MIPOL1: variants seen among roughly 807,000 people sequenced by gnomAD.
MIPOL1 encodes mirror-image polydactyly gene 1 protein.
In MIPOL1, 57 loss-of-function variants were observed where a neutral mutation model predicts 60.9. The ratio of observed to expected loss-of-function variants is 0.94; its 90% CI spans 0.76 to 1.17. MIPOL1 has a LOEUF of 1.17. Ranked by LOEUF, MIPOL1 falls within the 50% of genes most tolerant of loss-of-function variation. The pLI, the probability that MIPOL1 is intolerant of heterozygous loss-of-function variation, is 0.00. For synonymous variants in MIPOL1, 179 were observed against 168.8 expected (o/e 1.06, Z -0.47); for missense variants, 551 against 511.6 (o/e 1.08, Z -0.74).
At chr14:37,324,347 C>G (rs1172624922) in intron 9 of MIPOL1, among the ~76,000 whole-genome samples, 2 of 151,950 alleles carry the variant, frequency 1.3e-5, no homozygotes, top group Non-Finnish European at 2.9e-5. Flanking sequence ...TACTTACTGG[C>G]CATTCATATA....
At chr14:37,374,012 C>T (rs558667078) in intron 10 of MIPOL1, among the ~76,000 whole-genome samples, 23 of 152,196 alleles carry the variant, frequency 1.5e-4, no homozygotes, top group African/African-American at 2.9e-4. Context: ...AGTGTAAAAA[C>T]GTTCCTATTT....
At chr14:37,203,821 C>T (rs1326013369) in intron 1 of MIPOL1, among the ~76,000 whole-genome samples, 2 of 152,132 alleles carry the variant, frequency 1.3e-5, no homozygotes, top group Non-Finnish European at 1.5e-5. Flanking sequence ...CTCACTCTGC[C>T]GCCCAGGCTG....
chr14:37,358,537 TGTG>T (rs2092005450), intron 9 of MIPOL1, among the ~76,000 whole-genome samples: 1 of 152,184 alleles, frequency 6.6e-6, no homozygotes, highest in African/African-American at 2.4e-5. Context: ...TTCTAACTGG[TGTG>T]AGATGGTATC....
chr14:37,330,440 C>G (rs12586942), intron 9 of MIPOL1, among the ~76,000 whole-genome samples: 147,739 of 152,250 alleles, frequency 0.97, 71,746 homozygotes, highest in East Asian at 1. Context: ...AAATTTTATA[C>G]AAACATAATT....
chr14:37,297,130 G>C (rs1358862107), intron 7 of MIPOL1, among the ~76,000 whole-genome samples: 3 of 152,158 alleles, frequency 2.0e-5, no homozygotes, highest in Non-Finnish European at 4.4e-5. Context: ...CTTCATCCCT[G>C]GGATGCAAGG....
intron 1 of MIPOL1, among the ~76,000 whole-genome samples, chr14:37,223,059 G>C (rs1222838721): frequency 6.6e-6 from 1 of 152,146 alleles, no homozygotes; most frequent in Non-Finnish European, 1.5e-5. Flanking sequence ...TTGAGACAGA[G>C]TCTCGCTCTG....
intron 9 of MIPOL1, 145 bp from the exon 10 acceptor site, chr14:37,369,372 C>T (rs1164651071): frequency 1.1e-5 from 5 of 439,280 alleles, no homozygotes; most frequent in Admixed American, 4.0e-5. Flanking sequence ...TTGTATTTAA[C>T]ATTACTTTTA....
rs1461974156 is a variant in MIPOL1, at chr14:37,394,082, A to ATATATATATATATATATATATATC, written c.936+24461_936+24462insATATATATATATATATATATCTAT. Among the ~76,000 whole-genome samples the ATATATATATATATATATATATATC allele has an allele frequency of 2.2e-5, 3 of 136,336 alleles. 1 individual carries two copies. The highest frequency in any genetic ancestry group is 5.5e-5 in the African/African-American group (2 of 36,544). The allele number at this position is 136,336 out of a possible 152,430, so 89.4% of individuals were successfully genotyped here. A position where few individuals can be genotyped will look rare whatever the true frequency, so the allele number is the denominator to read the frequency against. On this transcript the variant is annotated intron_variant, in intron 10 of 12. Coordinates refer to ENST00000684589, the MANE Select transcript of MIPOL1 (RefSeq NM_001388067.1). Reference sequence around the variant, plus strand: ...CATATATATATATATATATATATATATATCTCCATGTTCTATCATATATAT... The same window carrying ATATATATATATATATATATATATC: ...CATATATATATATATATATATATATATATATATATATATATATATATATCTATCTCCATGTTCTATCATATATAT...
At chr14:37,358,448 CCCA>C (rs2091995526) in intron 9 of MIPOL1, among the ~76,000 whole-genome samples, 1 of 152,206 alleles carries the variant, frequency 6.6e-6, no homozygotes. Context: ...AATTTACACT[CCCA>C]CCAAGTGTAA....
At chr14:37,426,618 A>C in intron 11 of MIPOL1, among the ~76,000 whole-genome samples, 1 of 112,974 alleles carries the variant, frequency 8.9e-6, no homozygotes, top group Admixed American at 9.4e-5. Context: ...CATATATAAT[A>C]TGTATATATG....
intron 5 of MIPOL1, 146 bp downstream of exon 5, chr14:37,268,939 A>G (rs1243675572): frequency 9.7e-6 from 6 of 617,164 alleles, no homozygotes; most frequent in Non-Finnish European, 1.6e-5. Flanking sequence ...CCTTGCCATC[A>G]GGGTATGGTT....
chr14:37,234,942 A>ATTTTTTTTTTTTTT, intron 1 of MIPOL1, among the ~76,000 whole-genome samples: 1 of 116,830 alleles, frequency 8.6e-6, no homozygotes, highest in Non-Finnish European at 1.7e-5. Context: ...CGTACGGCTA[A>ATTTTTTTTTTTTTT]TTTTTTTTTT....
intron 11 of MIPOL1, among the ~76,000 whole-genome samples, chr14:37,454,242 C>T (rs2094452742): frequency 6.6e-6 from 1 of 152,144 alleles, no homozygotes; most frequent in South Asian, 2.1e-4. Flanking sequence ...ATTCCTTACT[C>T]CAACTGGATT....
At chr14:37,409,480 T>G (rs1406456956) in intron 10 of MIPOL1, among the ~76,000 whole-genome samples, 1 of 152,110 alleles carries the variant, frequency 6.6e-6, no homozygotes, top group Non-Finnish European at 1.5e-5. Flanking sequence ...ACCATCAGAT[T>G]ATACACAGCC....
intron 9 of MIPOL1, among the ~76,000 whole-genome samples, chr14:37,327,277 T>C (rs2089252349): frequency 6.6e-6 from 1 of 152,014 alleles, no homozygotes; most frequent in Non-Finnish European, 1.5e-5. Flanking sequence ...AGGTTGGAAA[T>C]AATAAAATTC....
At chr14:37,239,445 T>A (rs752063992) in intron 1 of MIPOL1, among the ~76,000 whole-genome samples, 5 of 152,198 alleles carry the variant, frequency 3.3e-5, no homozygotes, top group Non-Finnish European at 5.9e-5. Flanking sequence ...CATTTTGAGA[T>A]AGCTTTTAAA....
intron 12 of MIPOL1, among the ~76,000 whole-genome samples, chr14:37,508,790 T>C (rs1715172205): frequency 6.6e-6 from 1 of 152,210 alleles, no homozygotes; most frequent in Non-Finnish European, 1.5e-5. Context: ...TAAATGCCTT[T>C]GTGTATATTG....
intron 2 of MIPOL1, 32 bp downstream of exon 2, chr14:37,247,272 A>T (rs926338557): frequency 1.3e-5 from 2 of 148,978 alleles, no homozygotes; most frequent in African/African-American, 2.6e-5. Flanking sequence ...TTAAAAGCAT[A>T]AAAAAAAACT....
chr14:37,257,435 A>C (rs2153371824), intron 3 of MIPOL1, among the ~76,000 whole-genome samples: 1 of 152,172 alleles, frequency 6.6e-6, no homozygotes, highest in South Asian at 2.1e-4. Flanking sequence ...TGTCTCATAT[A>C]GTTTTGATAT....
Sources: gnomAD v4.1 joint callset for allele counts (sites outside exome capture counted in the v4.1 genomes callset) on GRCh38, gnomAD v4.1.1 for gene constraint, MANE v1.5 for transcripts, NCBI Gene and HGNC (gene_info 2026-07-23, HGNC 2026-07-21) for gene names.